Variants in NR2F1-AS1 observed in about 807,000 individuals in gnomAD.
The protein encoded by NR2F1-AS1 is NR2F1 regulatory antisense RNA 1, also known as NR2F1 antisense RNA 1.
intron 4 of NR2F1-AS1, among the ~76,000 whole-genome samples, chr5:93,428,580 T>C (rs1426156656): frequency 6.6e-6 from 1 of 152,190 alleles, no homozygotes; most frequent in Non-Finnish European, 1.5e-5. Context: ...GTTTCCAGTT[T>C]TGTATTTTAA....
chr5:93,512,337 G>C (rs1049926374), intron 4 of NR2F1-AS1, among the ~76,000 whole-genome samples: 1 of 152,156 alleles, frequency 6.6e-6, no homozygotes, highest in Non-Finnish European at 1.5e-5. Flanking sequence ...CTTTTGTGCA[G>C]CTGTACAATG....
chr5:93,484,556 T>C (rs1307624452), intron 4 of NR2F1-AS1, among the ~76,000 whole-genome samples: 1 of 152,012 alleles, frequency 6.6e-6, no homozygotes, highest in Admixed American at 6.6e-5. Flanking sequence ...ACGAGCAAAA[T>C]AACCACCTAG....
chr5:93,434,450 C>A (rs550099281), intron 4 of NR2F1-AS1, among the ~76,000 whole-genome samples: 1 of 152,170 alleles, frequency 6.6e-6, no homozygotes, highest in South Asian at 2.1e-4. Context: ...ATCATTCTTT[C>A]TTGCCCTTCC....
intron 4 of NR2F1-AS1, among the ~76,000 whole-genome samples, chr5:93,455,973 C>A (rs1428810861): frequency 6.6e-6 from 1 of 152,006 alleles, no homozygotes; most frequent in Non-Finnish European, 1.5e-5. Context: ...CATTGAGGAA[C>A]TGATGTCCTA....
chr5:93,420,527 A>C (rs1048529648), intron 4 of NR2F1-AS1, among the ~76,000 whole-genome samples: 7 of 152,234 alleles, frequency 4.6e-5, no homozygotes, highest in Non-Finnish European at 2.9e-5. Context: ...TGCAGAGTAG[A>C]CAAGTCAAGA....
intron 4 of NR2F1-AS1, among the ~76,000 whole-genome samples, chr5:93,518,515 A>G (rs1013886407): frequency 9.2e-5 from 14 of 152,122 alleles, no homozygotes; most frequent in Admixed American, 7.2e-4. Context: ...TTTTCCAAAG[A>G]TCATACAATT....
At chr5:93,573,207 A>AGT (rs1752816581) in intron 1 of NR2F1-AS1, among the ~76,000 whole-genome samples, 1 of 152,164 alleles carries the variant, frequency 6.6e-6, no homozygotes, top group Non-Finnish European at 1.5e-5. Context: ...AGGGCAAACT[A>AGT]GTGAGTTTGG....
At chr5:93,556,760 C>G (rs1752365199) in intron 2 of NR2F1-AS1, among the ~76,000 whole-genome samples, 1 of 152,166 alleles carries the variant, frequency 6.6e-6, no homozygotes, top group Non-Finnish European at 1.5e-5. Flanking sequence ...AACCATGGAA[C>G]AGATTCTCCC....
At chr5:93,447,091 A>T (rs1749728537) in intron 4 of NR2F1-AS1, among the ~76,000 whole-genome samples, 1 of 152,244 alleles carries the variant, frequency 6.6e-6, no homozygotes, top group Non-Finnish European at 1.5e-5. Context: ...ACCTAAAACC[A>T]TAAAAACCCT....
At chr5:93,545,380 G>A (rs1413789346) in intron 4 of NR2F1-AS1, among the ~76,000 whole-genome samples, 1 of 152,142 alleles carries the variant, frequency 6.6e-6, no homozygotes, top group Non-Finnish European at 1.5e-5. Flanking sequence ...CTACAAAGTG[G>A]CTAGAAAAAT....
upstream of NR2F1-AS1, chr5:93,585,036 G>A: frequency 9.7e-7 from 1 of 1,029,256 alleles, no homozygotes; most frequent in Non-Finnish European, 1.2e-6. Context: ...GGCAATGGTA[G>A]TTAGCAGCTG....
chr5:93,579,732 C>G lies in NR2F1-AS1; in HGVS notation n.313+735G>C, dbSNP rs972376448. On this transcript the variant is annotated intron_variant and non_coding_transcript_variant, in intron 1 of 5. Coordinates refer to ENST00000660523, the Ensembl canonical transcript of NR2F1-AS1. The surrounding 1 kb of genome is among the most constrained non-coding windows in gnomAD (Gnocchi z 5.1). ...TGAGCCTCTTCCTTTCAACACACCC[C>G]CTCTGTCCCCACCCCTGGGAGGCGA... Among the ~76,000 whole-genome samples, 1 of 151,896 alleles carries G rather than the reference C, an allele frequency of 6.6e-6. No individual in the cohort carries two copies. The highest frequency in any genetic ancestry group is 2.1e-4 in the South Asian group (1 of 4,808).
intron 1 of NR2F1-AS1, chr5:93,571,091 G>A (rs1029140687): frequency 2.0e-5 from 3 of 152,442 alleles, no homozygotes; most frequent in African/African-American, 7.2e-5. Flanking sequence ...GCCGCCCTGG[G>A]GCCCTGCAGC....
At chr5:93,523,488 C>T (rs1270111291) in intron 4 of NR2F1-AS1, among the ~76,000 whole-genome samples, 2 of 152,308 alleles carry the variant, frequency 1.3e-5, no homozygotes, top group East Asian at 3.9e-4. Flanking sequence ...CAGCACAACC[C>T]TTGAGCTCTG....
Position 93,564,123 on chromosome 5 carries a change from AAAAAAAAAAAAAAAAAAAAAAAAAAAAC to A in NR2F1-AS1, n.314-688_314-661del, listed in dbSNP as rs1410860565. Among the ~76,000 whole-genome samples, 221 of 82,648 alleles carry A rather than the reference AAAAAAAAAAAAAAAAAAAAAAAAAAAAC, an allele frequency of 2.7e-3. 10 individuals carry two copies. Among genetic ancestry groups the A allele is most frequent in the African/African-American group, 0.011 (207 of 19,378 alleles). 54.2% of individuals were successfully genotyped at this position (82,648 alleles called of 152,430 possible). On this transcript the variant is annotated intron_variant and non_coding_transcript_variant, in intron 1 of 5. Transcript: ENST00000660523. ...TCTCAAAAAAAAAAAAAAAAAAAAA[AAAAAAAAAAAAAAAAAAAAAAAAAAAAC>A]ACACAACTACCTGGAGAATACTTAC...
At chr5:93,512,745 G>A (rs1751325383) in intron 4 of NR2F1-AS1, among the ~76,000 whole-genome samples, 1 of 152,088 alleles carries the variant, frequency 6.6e-6, no homozygotes, top group African/African-American at 2.4e-5. Flanking sequence ...AATTACCATT[G>A]TGTTACAAGT....
At chr5:93,449,472 C>T (rs1749784459) in intron 4 of NR2F1-AS1, among the ~76,000 whole-genome samples, 1 of 152,276 alleles carries the variant, frequency 6.6e-6, no homozygotes, top group Admixed American at 6.5e-5. Context: ...TTGCAAAATA[C>T]CAATACTAGA....
chr5:93,412,158 T>G (rs1487483300), intron 4 of NR2F1-AS1, among the ~76,000 whole-genome samples: 2 of 152,182 alleles, frequency 1.3e-5, no homozygotes, highest in African/African-American at 2.4e-5. Flanking sequence ...AAGAAACATT[T>G]CCATTCATTC....
At chr5:93,535,922 A>G (rs1490452615) in intron 4 of NR2F1-AS1, among the ~76,000 whole-genome samples, 1 of 152,194 alleles carries the variant, frequency 6.6e-6, no homozygotes, top group Admixed American at 6.5e-5. Context: ...CACCACTTCT[A>G]TTCAACATAA....
Sources: gnomAD v4.1 joint callset for allele counts (sites outside exome capture counted in the v4.1 genomes callset) on GRCh38, gnomAD v4.1.1 for gene constraint, Gnocchi (gnomAD v3.1) non-coding constraint, MANE v1.5 for transcripts, NCBI Gene and HGNC (gene_info 2026-07-23, HGNC 2026-07-21) for gene names.